Variants in RNF180 observed in about 807,000 individuals in gnomAD.
The protein encoded by RNF180 is E3 ubiquitin-protein ligase RNF180.
Under a neutral mutation model 59.2 loss-of-function variants are expected in RNF180, and 38 were observed. That is an observed-to-expected ratio of 0.64 (90% CI 0.50 to 0.84). The LOEUF (loss-of-function observed/expected upper bound fraction) is 0.84. Ranked by LOEUF, RNF180 falls within the 40% of genes least tolerant of loss-of-function variation. The pLI, the probability that RNF180 is intolerant of heterozygous loss-of-function variation, is 0.00. For synonymous variants in RNF180, 262 were observed against 240.3 expected (o/e 1.09, Z -0.84); for missense variants, 705 against 700.9 (o/e 1.01, Z -0.07).
chr5:64,359,853 T>C (rs1307089), intron 7 of RNF180, among the ~76,000 whole-genome samples: 1 of 152,138 alleles, frequency 6.6e-6, no homozygotes, highest in Admixed American at 6.6e-5. Context: ...TTTCTACATA[T>C]GGCTATCCAG....
At chr5:64,169,418 T>C (rs1017610354) in intron 1 of RNF180, among the ~76,000 whole-genome samples, 1 of 152,216 alleles carries the variant, frequency 6.6e-6, no homozygotes, top group Non-Finnish European at 1.5e-5. Flanking sequence ...TTTTATCATA[T>C]CAGCTGGAGA....
chr5:64,335,256 A>G (rs151001420), intron 7 of RNF180, among the ~76,000 whole-genome samples: 121 of 152,196 alleles, frequency 8.0e-4, no homozygotes, highest in South Asian at 2.1e-3. Flanking sequence ...TCTGTTGGTT[A>G]TATGAATGGC....
chr5:64,181,986 CTTT>C (rs1190089130), intron 1 of RNF180, among the ~76,000 whole-genome samples: 2,372 of 94,564 alleles, frequency 0.025, 27 homozygotes, highest in African/African-American at 0.049. Context: ...CTGCTACTGT[CTTT>C]TTTTTTTTTT....
chr5:64,270,529 A>G (rs1173523630), intron 5 of RNF180, among the ~76,000 whole-genome samples: 3 of 152,132 alleles, frequency 2.0e-5, no homozygotes, highest in African/African-American at 4.8e-5. Flanking sequence ...GTTTATGTAT[A>G]TAGTCTCATT....
chr5:64,360,899 T>C (rs978494899), intron 7 of RNF180, among the ~76,000 whole-genome samples: 2 of 151,554 alleles, frequency 1.3e-5, no homozygotes, highest in Admixed American at 6.6e-5. Flanking sequence ...ACATGGGAGA[T>C]CTCTAAGCTT....
intron 7 of RNF180, among the ~76,000 whole-genome samples, chr5:64,357,170 A>G (rs1325174791): frequency 6.6e-6 from 1 of 151,862 alleles, no homozygotes; most frequent in East Asian, 1.9e-4. Flanking sequence ...ATTAACTTTC[A>G]GAATTAATAC....
chr5:64,193,429 AT>A (rs1180710855), intron 1 of RNF180, among the ~76,000 whole-genome samples: 1 of 152,108 alleles, frequency 6.6e-6, no homozygotes, highest in Admixed American at 6.6e-5. Flanking sequence ...AATATATGCA[AT>A]TTTTGTATAC....
intron 5 of RNF180, among the ~76,000 whole-genome samples, chr5:64,299,071 C>A (rs1190910826): frequency 1.3e-5 from 2 of 151,900 alleles, no homozygotes; most frequent in East Asian, 1.9e-4. Flanking sequence ...GAATTAGTGT[C>A]TTTTAATGAG....
intron 7 of RNF180, among the ~76,000 whole-genome samples, chr5:64,364,715 G>A (rs1746382031): frequency 6.6e-6 from 1 of 151,478 alleles, no homozygotes; most frequent in Non-Finnish European, 1.5e-5. Context: ...AATTTTTTTG[G>A]TTGATAGGCT....
intron 1 of RNF180, among the ~76,000 whole-genome samples, chr5:64,179,754 C>T (rs985713556): frequency 3.3e-5 from 5 of 152,060 alleles, no homozygotes; most frequent in Admixed American, 6.6e-5. Context: ...ATATACAAAC[C>T]TAGAAGTAGA....
At chr5:64,219,593 C>A (rs534528534) in intron 5 of RNF180, among the ~76,000 whole-genome samples, 1 of 152,090 alleles carries the variant, frequency 6.6e-6, no homozygotes, top group Non-Finnish European at 1.5e-5. Flanking sequence ...CAGCTCACTG[C>A]AACCCCTGCC....
chr5:64,370,607 T>C lies in RNF180; in HGVS notation c.*793T>C, dbSNP rs1477697961. 1 of 151,716 alleles carries C rather than the reference T, an allele frequency of 6.6e-6. No homozygotes were observed. The highest frequency in any genetic ancestry group is 1.9e-4 in the East Asian group (1 of 5,152). 9.4% of individuals were successfully genotyped at this position (151,716 alleles called of 1,614,324 possible). ...GGTCAAATATATTGTAAATGTGCAATAAAGAGTGGCTTTTAATTTTTTTAA... is the reference window on the plus strand; with the variant it reads ...GGTCAAATATATTGTAAATGTGCAACAAAGAGTGGCTTTTAATTTTTTTAA... On this transcript the variant is annotated 3_prime_UTR_variant, in exon 8 of 8. Transcript: ENST00000389100.
intron 7 of RNF180, among the ~76,000 whole-genome samples, chr5:64,362,142 C>G (rs890876683): frequency 6.6e-6 from 1 of 151,178 alleles, no homozygotes; most frequent in Non-Finnish European, 1.5e-5. Context: ...TATATAGGTA[C>G]ACTCATGTCA....
chr5:64,364,090 C>G (rs538378352), intron 7 of RNF180, among the ~76,000 whole-genome samples: 38 of 151,794 alleles, frequency 2.5e-4, no homozygotes, highest in African/African-American at 8.0e-4. Flanking sequence ...TTTCTCTTGC[C>G]TGATTGCTCT....
At chr5:64,221,472 T>G (rs1286112768) in intron 5 of RNF180, among the ~76,000 whole-genome samples, 1 of 152,134 alleles carries the variant, frequency 6.6e-6, no homozygotes, top group Non-Finnish European at 1.5e-5. Flanking sequence ...TCAGTATAAG[T>G]TTGTTACTCT....
At chr5:64,321,061 T>G (rs985727780) in intron 5 of RNF180, among the ~76,000 whole-genome samples, 56 of 150,870 alleles carry the variant, frequency 3.7e-4, no homozygotes, top group African/African-American at 1.2e-3. Flanking sequence ...GAAAGAAAAA[T>G]TATGAATGGG....
chr5:64,231,974 A>G (rs1263180135), intron 5 of RNF180, among the ~76,000 whole-genome samples: 1 of 152,088 alleles, frequency 6.6e-6, no homozygotes, highest in African/African-American at 2.4e-5. Flanking sequence ...TTTGCTTTTT[A>G]GTAACACTTA....
intron 5 of RNF180, among the ~76,000 whole-genome samples, chr5:64,274,289 T>G (rs757530679): frequency 2.0e-5 from 3 of 152,036 alleles, no homozygotes; most frequent in Non-Finnish European, 4.4e-5. Context: ...TTTTTTATTA[T>G]GTCCTGTTCT....
chr5:64,201,918 T>G (rs2112061566), intron 2 of RNF180, among the ~76,000 whole-genome samples: 1 of 152,306 alleles, frequency 6.6e-6, no homozygotes, highest in African/African-American at 2.4e-5. Context: ...TTTTGTATTT[T>G]TTAGTAGAGA....
Sources: allele counts gnomAD v4.1 joint callset (sites outside exome capture counted in the v4.1 genomes callset), GRCh38; gene constraint gnomAD v4.1.1; transcripts MANE v1.5; gene names NCBI Gene and HGNC (gene_info 2026-07-23, HGNC 2026-07-21).